NSMCE2: variants seen among roughly 807,000 people sequenced by gnomAD.
NSMCE2 encodes the protein NSE2 SUMO ligase component of SMC5/6 complex, also known as E3 SUMO-protein ligase NSE2.
In NSMCE2, 24 loss-of-function variants were observed where a neutral mutation model predicts 23.8. The observed-to-expected ratio is 1.01, with a 90% CI of 0.73 to 1.42. The LOEUF is 1.42. NSMCE2 is among the 40% of genes most tolerant of loss of function. The probability of loss-of-function intolerance (pLI) is 0.00; values close to 1 mark genes in which losing one functional copy is unlikely to be tolerated. For missense variants in NSMCE2, 284 were observed against 296.5 expected (o/e 0.96, Z 0.31); for synonymous variants, 92 against 94.1 (o/e 0.98, Z 0.13).
chr8:125,330,522 C>T (rs1197562711), intron 5 of NSMCE2, among the ~76,000 whole-genome samples: 4 of 152,098 alleles, frequency 2.6e-5, no homozygotes, highest in Admixed American at 1.3e-4. Context: ...TGGAAATCTC[C>T]TGCCCTCTTG....
intron 5 of NSMCE2, among the ~76,000 whole-genome samples, chr8:125,268,549 A>C (rs371558182): frequency 6.6e-6 from 1 of 152,248 alleles, no homozygotes; most frequent in African/African-American, 2.4e-5. Context: ...AGTAATTAAA[A>C]TATTCCTTAG....
At chr8:125,260,281 G>A (rs1304704178) in intron 5 of NSMCE2, among the ~76,000 whole-genome samples, 1 of 152,086 alleles carries the variant, frequency 6.6e-6, no homozygotes, top group Non-Finnish European at 1.5e-5. Flanking sequence ...ACTAGTGTTA[G>A]CCCAGTATAA....
At chr8:125,204,548 A>G (rs538689256) in intron 5 of NSMCE2, among the ~76,000 whole-genome samples, 2 of 152,356 alleles carry the variant, frequency 1.3e-5, no homozygotes, top group South Asian at 4.1e-4. Context: ...TACACAAAGT[A>G]TTAAGTTGAC....
In NSMCE2 at chr8:125,091,904, G is replaced by A. The variant is rs1413473697; in HGVS notation, c.-165G>A. 6.6e-6 allele frequency: 1 copy of A among 152,400 alleles called. No individual in the cohort carries two copies. Among genetic ancestry groups the A allele is most frequent in the Non-Finnish European group, 1.5e-5 (1 of 68,178 alleles). 9.4% of individuals were successfully genotyped at this position (152,400 alleles called of 1,614,324 possible). Reference sequence around the variant, plus strand: ...CGAAGGGGGCTGAGGAAAGGAGGTGGGTCTAGGCAGGGGAAATTGGGGTGC... The same window carrying A: ...CGAAGGGGGCTGAGGAAAGGAGGTGAGTCTAGGCAGGGGAAATTGGGGTGC... On this transcript the variant is annotated 5_prime_UTR_variant, in exon 1 of 8. Transcript: ENST00000287437.
intron 5 of NSMCE2, among the ~76,000 whole-genome samples, chr8:125,266,092 C>CTT (rs71295827): frequency 2.0e-3 from 262 of 132,354 alleles, no homozygotes; most frequent in East Asian, 3.1e-3. Context: ...CAAATTTTTT[C>CTT]TTTTTTTTTT....
chr8:125,100,798 T>C (rs982726221), intron 1 of NSMCE2, among the ~76,000 whole-genome samples: 11 of 152,154 alleles, frequency 7.2e-5, no homozygotes, highest in African/African-American at 2.7e-4. Flanking sequence ...TGACCTCAGG[T>C]GACCCTCCTG....
chr8:125,327,082 G>A (rs1442598794), intron 5 of NSMCE2, among the ~76,000 whole-genome samples: 1 of 151,454 alleles, frequency 6.6e-6, no homozygotes, highest in Non-Finnish European at 1.5e-5. Flanking sequence ...GTCCAACATG[G>A]TAAAACCCCA....
intron 4 of NSMCE2, among the ~76,000 whole-genome samples, chr8:125,159,927 T>C (rs1053583882): frequency 6.6e-6 from 1 of 150,614 alleles, no homozygotes; most frequent in African/African-American, 2.5e-5. Context: ...GCCACTGCAC[T>C]CCAGTCTGGG....
At chr8:125,240,995 C>T (rs1366987535) in intron 5 of NSMCE2, among the ~76,000 whole-genome samples, 1 of 152,076 alleles carries the variant, frequency 6.6e-6, no homozygotes, top group Non-Finnish European at 1.5e-5. Flanking sequence ...GGTTGAGTAT[C>T]CCTTATCCAA....
chr8:125,321,557 A>T (rs1240006551), intron 5 of NSMCE2, among the ~76,000 whole-genome samples: 1 of 152,244 alleles, frequency 6.6e-6, no homozygotes, highest in Admixed American at 6.5e-5. Flanking sequence ...CATTACCCTG[A>T]TGCCAAAACC....
intron 5 of NSMCE2, among the ~76,000 whole-genome samples, chr8:125,218,797 A>G (rs183687997): frequency 3.3e-5 from 5 of 152,346 alleles, no homozygotes; most frequent in African/African-American, 9.6e-5. Context: ...TCGCAACAAC[A>G]TGAATAAACT....
chr8:125,299,037 T>C (rs1828447036), intron 5 of NSMCE2, among the ~76,000 whole-genome samples: 1 of 152,240 alleles, frequency 6.6e-6, no homozygotes, highest in Non-Finnish European at 1.5e-5. Context: ...TAGTTGATGC[T>C]AGTAAAAAAT....
intron 4 of NSMCE2, among the ~76,000 whole-genome samples, chr8:125,153,142 T>G (rs1821132227): frequency 6.6e-6 from 1 of 151,444 alleles, no homozygotes; most frequent in African/African-American, 2.4e-5. Context: ...GTTTAAAACT[T>G]CTCACTCTTT....
chr8:125,248,234 A>C (rs1186608639), intron 5 of NSMCE2, among the ~76,000 whole-genome samples: 1 of 152,188 alleles, frequency 6.6e-6, no homozygotes, highest in East Asian at 1.9e-4. Context: ...GTCAGAAGGA[A>C]GCATGCTTGG....
intron 3 of NSMCE2, among the ~76,000 whole-genome samples, chr8:125,123,967 A>G (rs756646760): frequency 9.2e-5 from 14 of 152,190 alleles, no homozygotes; most frequent in Non-Finnish European, 1.6e-4. Flanking sequence ...TCAGAGATAT[A>G]TAACCATCAC....
chr8:125,119,306 T>TCAA, intron 3 of NSMCE2, among the ~76,000 whole-genome samples: 1 of 152,346 alleles, frequency 6.6e-6, no homozygotes. Context: ...CTTGCTGTGT[T>TCAA]CCCCTGTTTG....
chr8:125,130,791 G>A (rs571302868), intron 3 of NSMCE2, among the ~76,000 whole-genome samples: 5 of 152,300 alleles, frequency 3.3e-5, no homozygotes, highest in African/African-American at 7.2e-5. Context: ...CTAGTGCTGC[G>A]TGGTTAAATT....
intron 5 of NSMCE2, among the ~76,000 whole-genome samples, chr8:125,235,244 TAAAA>T (rs60442484): frequency 7.1e-6 from 1 of 141,520 alleles, no homozygotes. Context: ...CCATCTCAAT[TAAAA>T]AAAAAAAAAA....
intron 3 of NSMCE2, among the ~76,000 whole-genome samples, chr8:125,121,555 G>A (rs1369720557): frequency 6.6e-6 from 1 of 152,166 alleles, no homozygotes; most frequent in African/African-American, 2.4e-5. Flanking sequence ...AGTAATGTGT[G>A]CCAAATGAGG....
Sources: allele counts gnomAD v4.1 joint callset (sites outside exome capture counted in the v4.1 genomes callset), GRCh38; gene constraint gnomAD v4.1.1; transcripts MANE v1.5; gene names NCBI Gene and HGNC (gene_info 2026-07-23, HGNC 2026-07-21).